Variants in FGF7 observed in about 807,000 individuals in gnomAD.
The protein encoded by FGF7 is FGF-7.
FGF7 carries 6 observed loss-of-function variants against 20.5 expected under a neutral mutation model. That is an observed-to-expected ratio of 0.29 (90% confidence interval 0.16 to 0.58). FGF7 has a LOEUF of 0.58. Among genes scored for constraint, FGF7 ranks in the 20% least tolerant of loss-of-function variants. The pLI is 0.90. For synonymous variants in FGF7, 64 were observed against 74.7 expected (o/e 0.86, Z 0.74); for missense variants, 144 against 228.8 (o/e 0.63, Z 2.39).
chr15:49,486,345 C>T lies in FGF7; in HGVS notation c.*1841C>T, dbSNP rs2056400486. ...CTTGGGAGAGAGCATGAATGGTATT[C>T]TGAACTATCACCTGATTCAAGGACT... On this transcript the variant is annotated 3_prime_UTR_variant, in exon 4 of 4. Coordinates refer to ENST00000267843, the MANE Select transcript of FGF7 (RefSeq NM_002009.4). The T allele has an allele frequency of 1.3e-5, 2 of 151,980 alleles. No individual in the cohort carries two copies. The highest frequency in any genetic ancestry group is 1.3e-4 in the Admixed American group (2 of 15,228). The allele number at this position is 151,980 out of a possible 1,614,324, so 9.4% of individuals were successfully genotyped here.
At chr15:49,442,828 G>A (rs1377682231) in intron 2 of FGF7, among the ~76,000 whole-genome samples, 2 of 151,610 alleles carry the variant, frequency 1.3e-5, no homozygotes, top group Admixed American at 1.3e-4. Context: ...GCTTCCACAC[G>A]ACACCTATAT....
chr15:49,451,091 T>C (rs1045337158), intron 2 of FGF7, among the ~76,000 whole-genome samples: 3 of 152,106 alleles, frequency 2.0e-5, no homozygotes. Context: ...TATAATCCCA[T>C]GACCTAGAAA....
At chr15:49,453,862 T>C (rs1006887803) in intron 2 of FGF7, among the ~76,000 whole-genome samples, 9 of 152,186 alleles carry the variant, frequency 5.9e-5, no homozygotes, top group Non-Finnish European at 4.4e-5. Flanking sequence ...TTATACATTT[T>C]ACATAAGAGT....
chr15:49,439,137 A>G (rs532344313), intron 2 of FGF7, among the ~76,000 whole-genome samples: 3 of 151,622 alleles, frequency 2.0e-5, no homozygotes, highest in African/African-American at 7.2e-5. Flanking sequence ...GCATTCTCAC[A>G]TTGTTGTTGG....
intron 2 of FGF7, among the ~76,000 whole-genome samples, chr15:49,457,531 G>C (rs2053421213): frequency 6.6e-6 from 1 of 151,988 alleles, no homozygotes; most frequent in African/African-American, 2.4e-5. Flanking sequence ...CATTTTATAA[G>C]TAACTACATT....
chr15:49,465,387 C>T (rs1250257136), intron 2 of FGF7, among the ~76,000 whole-genome samples: 1 of 151,634 alleles, frequency 6.6e-6, no homozygotes, highest in Non-Finnish European at 1.5e-5. Context: ...CTGCCCACCT[C>T]GGCCTCCCAA....
intron 2 of FGF7, among the ~76,000 whole-genome samples, chr15:49,435,413 G>T (rs1252180244): frequency 6.6e-6 from 1 of 151,618 alleles, no homozygotes; most frequent in East Asian, 1.9e-4. Flanking sequence ...TTTCAACTAT[G>T]TAATCAAGAC....
chr15:49,425,652 A>G (rs1301160919), intron 2 of FGF7: 4 of 151,962 alleles, frequency 2.6e-5, no homozygotes, highest in Admixed American at 6.6e-5. Context: ...TTGCCTGTTT[A>G]CTGAATGACT....
At chr15:49,435,470 T>C (rs2051017355) in intron 2 of FGF7, among the ~76,000 whole-genome samples, 1 of 151,658 alleles carries the variant, frequency 6.6e-6, no homozygotes, top group Admixed American at 6.6e-5. Context: ...CTCTAATTCA[T>C]GAAGTATGCT....
chr15:49,461,160 G>A (rs1477512359), intron 2 of FGF7, among the ~76,000 whole-genome samples: 2 of 152,130 alleles, frequency 1.3e-5, no homozygotes, highest in East Asian at 3.9e-4. Context: ...AGTCCTCCTC[G>A]ACTAGACTAG....
chr15:49,465,232 C>T (rs920540504), intron 2 of FGF7, among the ~76,000 whole-genome samples: 3 of 151,952 alleles, frequency 2.0e-5, no homozygotes, highest in African/African-American at 2.4e-5. Context: ...TAGGTTAAAG[C>T]GATTCTCCTG....
At position 49,485,916 on chromosome 15, in the gene FGF7, T is replaced by C. The variant is rs1304899991; in HGVS notation, c.*1412T>C. 6.6e-6 allele frequency: 1 copy of C among 152,040 alleles called. No individual in the cohort carries two copies. The highest frequency in any genetic ancestry group is 2.4e-5 in the African/African-American group (1 of 41,420). 9.4% of individuals were successfully genotyped at this position (152,040 alleles called of 1,614,324 possible). A position where few individuals can be genotyped will look rare whatever the true frequency, so the allele number is the denominator to read the frequency against. ...CACTGAAAGTTGTTTTCCTGTTAGATGGCAAGAGCACAATGCCCAAAATAG... is the reference window on the plus strand; with the variant it reads ...CACTGAAAGTTGTTTTCCTGTTAGACGGCAAGAGCACAATGCCCAAAATAG... On this transcript the variant is annotated 3_prime_UTR_variant, in exon 4 of 4. Transcript: ENST00000267843.
intron 2 of FGF7, among the ~76,000 whole-genome samples, chr15:49,480,384 T>G (rs1366747805): frequency 2.6e-5 from 4 of 152,002 alleles, no homozygotes; most frequent in Admixed American, 6.6e-5. Context: ...CTCGGCTCAT[T>G]GCAACCTCTG....
chr15:49,468,952 T>A (rs559558379), intron 2 of FGF7, among the ~76,000 whole-genome samples: 59 of 152,264 alleles, frequency 3.9e-4, no homozygotes, highest in African/African-American at 1.4e-3. Flanking sequence ...TTGAATAACA[T>A]GCATACATTA....
rs543683785 is a variant in FGF7, at chr15:49,484,292, G to A, written c.391-18G>A. The A allele has an allele frequency of 2.7e-4, 419 of 1,560,696 alleles. 6 individuals carry two copies. In the South Asian group the frequency reaches 4.5e-3, roughly 17 times the overall value. On this transcript the variant is annotated intron_variant, in intron 3 of 3. Coordinates refer to ENST00000267843, the MANE Select transcript of FGF7 (RefSeq NM_002009.4). ...AAAATCATTTGGATAATGTCTGTTT[G>A]TTTGTTTGTTTTAACAGAAAGAATG...
chr15:49,484,191 G>A, intron 3 of FGF7, 119 bp from the exon 4 acceptor site: 1 of 632,498 alleles, frequency 1.6e-6, no homozygotes, highest in South Asian at 2.0e-5. Context: ...CTCAATCTGA[G>A]GGTTAAAAAA....
chr15:49,436,852 CA>C (rs1481611410), intron 2 of FGF7, among the ~76,000 whole-genome samples: 3 of 151,542 alleles, frequency 2.0e-5, no homozygotes, highest in Non-Finnish European at 4.4e-5. Context: ...GGATAATTTG[CA>C]TCTGAAGAAA....
At chr15:49,466,910 T>C (rs1024212081) in intron 2 of FGF7, among the ~76,000 whole-genome samples, 1 of 152,184 alleles carries the variant, frequency 6.6e-6, no homozygotes, top group African/African-American at 2.4e-5. Context: ...ATTCCTTGTT[T>C]AGACTGCTAG....
intron 2 of FGF7, among the ~76,000 whole-genome samples, chr15:49,480,504 C>T (rs1284693381): frequency 1.7e-5 from 2 of 118,356 alleles, no homozygotes; most frequent in Admixed American, 1.1e-4. Context: ...TTTGGTGAGA[C>T]GGAGTCTCAC....
Sources: gnomAD v4.1 joint callset for allele counts (sites outside exome capture counted in the v4.1 genomes callset) on GRCh38, gnomAD v4.1.1 for gene constraint, MANE v1.5 for transcripts, NCBI Gene and HGNC (gene_info 2026-07-23, HGNC 2026-07-21) for gene names.